MRPL43: variants seen among roughly 807,000 people sequenced by gnomAD.
MRPL43 encodes the protein large ribosomal subunit protein mL43.
Under a neutral mutation model 12.7 loss-of-function variants are expected in MRPL43, and 9 were observed. The ratio of observed to expected loss-of-function variants is 0.71; its 90% CI spans 0.43 to 1.24. The LOEUF (loss-of-function observed/expected upper bound fraction) is 1.24, where lower values mean the gene tolerates loss of function less well. Among genes scored for constraint, MRPL43 ranks in the 50% most tolerant of loss-of-function variants. The pLI, the probability that MRPL43 is intolerant of heterozygous loss-of-function variation, is 0.00. For missense variants in MRPL43, 211 were observed against 229.2 expected (o/e 0.92, Z 0.51); for synonymous variants, 116 against 96.4 (o/e 1.20, Z -1.19).
downstream of MRPL43, chr10:100,983,321 G>A: frequency 6.4e-7 from 1 of 1,557,790 alleles, no homozygotes; most frequent in Non-Finnish European, 8.7e-7. Context: ...CACCACCACT[G>A]AAGACCCGCT....
chr10:100,986,950 G>T lies in MRPL43; in HGVS notation c.264C>A (p.Ser88Arg). Residue 88 changes from serine to arginine, a missense_variant, in exon 3 of 3, where the codon AGC (serine) becomes AGA (arginine). Coordinates refer to ENST00000318364, the MANE Select transcript of MRPL43 (RefSeq NM_032112.3). ...EYLNGAVREE[S>R]IHCKSVEEIS... The stretch of plus-strand genomic sequence containing the variant: ...TCTCCTCGACCGACTTGCAGTGGAT[G>T]CTCTCCTCGCGCACAGCCCCGTTAA... 6.2e-7 allele frequency: 1 copy of T among 1,607,614 alleles called. No individual in the cohort carries two copies. The highest frequency in any genetic ancestry group is 8.5e-7 in the Non-Finnish European group (1 of 1,179,992).
downstream of MRPL43, chr10:100,984,154 C>A: frequency 6.3e-7 from 1 of 1,583,890 alleles, no homozygotes; most frequent in South Asian, 1.2e-5. Flanking sequence ...AGAACAAATG[C>A]TCTTCCAAGC....
Position 100,987,478 on chromosome 10 carries a change from G to A in MRPL43, c.-35C>T, listed in dbSNP as rs773749824. ...TTGGAGGCCGCGGAGCCTAAGCAGC[G>A]AGGAGAGGGGGGCGGGACTAAACCT... is the stretch of plus-strand genomic sequence containing the variant. On this transcript the variant is annotated 5_prime_UTR_variant, in exon 1 of 3. Transcript: ENST00000318364. The A allele has an allele frequency of 8.7e-6, 14 of 1,605,864 alleles. No homozygotes were observed. Among genetic ancestry groups the A allele is most frequent in the South Asian group, 2.2e-5 (2 of 90,822 alleles).
downstream of MRPL43, chr10:100,978,618 G>A: frequency 6.2e-7 from 1 of 1,614,072 alleles, no homozygotes; most frequent in African/African-American, 1.3e-5. Flanking sequence ...GAACTGAGGA[G>A]ACACCAATGC....
chr10:100,978,490 T>C, downstream of MRPL43: 1 of 1,604,676 alleles, frequency 6.2e-7, no homozygotes, highest in Non-Finnish European at 8.5e-7. Flanking sequence ...CTGTTGAATA[T>C]GACATGTCTC....
downstream of MRPL43, among the ~76,000 whole-genome samples, chr10:100,981,795 C>A (rs1481025006): frequency 6.6e-6 from 1 of 152,124 alleles, no homozygotes; most frequent in Non-Finnish European, 1.5e-5. Context: ...CAGTGGCTCA[C>A]GCCTGTAATC....
chr10:100,980,606 C>G (rs542169408), downstream of MRPL43: 3 of 1,614,182 alleles, frequency 1.9e-6, no homozygotes, highest in East Asian at 6.7e-5. Context: ...AGGCCGTAGT[C>G]CTGGGCTCTG....
downstream of MRPL43, chr10:100,985,048 G>A: frequency 1.2e-6 from 1 of 804,604 alleles, no homozygotes; most frequent in Non-Finnish European, 1.9e-6. Context: ...ATTTCAGAGG[G>A]AGATCCCCCT....
chr10:100,981,451 C>G, downstream of MRPL43: 1 of 1,614,090 alleles, frequency 6.2e-7, no homozygotes, highest in Non-Finnish European at 8.5e-7. Context: ...AGTGTCTTGT[C>G]ACTTCTGGAG....
downstream of MRPL43, chr10:100,978,429 A>G (rs867449090): frequency 9.3e-6 from 15 of 1,605,072 alleles, no homozygotes; most frequent in Non-Finnish European, 1.1e-5. Context: ...TGGTATTTTT[A>G]GGATGTGGAT....
At chr10:100,981,263 G>A (rs903479718), downstream of MRPL43, 2 of 1,608,246 alleles carry the variant, frequency 1.2e-6, no homozygotes, top group Non-Finnish European at 1.7e-6. Context: ...GTCTAGCTAC[G>A]CAGACTGTCC....
intron 1 of MRPL43, 43 bp from the exon 2 acceptor site, chr10:100,987,239 G>A: frequency 1.2e-6 from 2 of 1,612,966 alleles, no homozygotes; most frequent in Non-Finnish European, 1.7e-6. Context: ...CCTGACTGGG[G>A]GCGACCTACC....
chr10:100,984,026 T>C (rs1157657574), downstream of MRPL43: 2 of 1,613,122 alleles, frequency 1.2e-6, no homozygotes, highest in East Asian at 2.2e-5. Flanking sequence ...AGAGCAACAA[T>C]GGAGTACCAG....
At chr10:100,984,883 C>T, downstream of MRPL43, 4 of 1,475,798 alleles carry the variant, frequency 2.7e-6, no homozygotes, top group Non-Finnish European at 3.6e-6. Flanking sequence ...TGGTCATTCT[C>T]AAGAGTATGA....
In MRPL43 at chr10:100,986,668, G is replaced by A; in HGVS notation, c.*66C>T. The A allele has an allele frequency of 1.9e-6, 3 of 1,613,916 alleles. No homozygotes were observed. Among genetic ancestry groups the A allele is most frequent in the Non-Finnish European group, 1.7e-6 (2 of 1,179,916 alleles). ...ATTTGCCTGGGCTTGGAATCCCAAA[G>A]GGGAAGAACCACCTTTACCGGAGTA... On this transcript the variant is annotated 3_prime_UTR_variant, in exon 3 of 3. Coordinates refer to ENST00000318364, the MANE Select transcript of MRPL43 (RefSeq NM_032112.3).
At chr10:100,978,320 C>T (rs887525390), downstream of MRPL43, 1 of 1,613,414 alleles carries the variant, frequency 6.2e-7, no homozygotes, top group Non-Finnish European at 8.5e-7. Flanking sequence ...ACCTTGCCAA[C>T]CAGCTTCGAG....
downstream of MRPL43, chr10:100,978,879 G>A (rs371666695): frequency 4.5e-5 from 73 of 1,614,018 alleles, no homozygotes; most frequent in African/African-American, 4.1e-4. Flanking sequence ...GTCCTCGTGC[G>A]GGAGAGCAAG....
At chr10:100,984,567 A>G, downstream of MRPL43, 1 of 1,536,188 alleles carries the variant, frequency 6.5e-7, no homozygotes, top group South Asian at 1.2e-5. Context: ...TCCTGAAACC[A>G]GACAAGACCT....
At chr10:100,978,335 G>A (rs1336829326), downstream of MRPL43, 2 of 1,613,714 alleles carry the variant, frequency 1.2e-6, no homozygotes, top group African/African-American at 1.3e-5. Flanking sequence ...TTCGAGGAGG[G>A]GAAGGAGAAG....
Sources: gnomAD v4.1 joint callset for allele counts (sites outside exome capture counted in the v4.1 genomes callset) on GRCh38, gnomAD v4.1.1 for gene constraint, MANE v1.5 for transcripts, NCBI Gene and HGNC (gene_info 2026-07-23, HGNC 2026-07-21) for gene names.